Variants in SCRT2 observed in about 807,000 individuals in gnomAD.
SCRT2 encodes scratch family transcriptional repressor 2.
In SCRT2, 2 loss-of-function variants were observed where a neutral mutation model predicts 3.7. That is an observed-to-expected ratio of 0.54 (90% confidence interval 0.22 to 1.70). The LOEUF is 1.70. Ranked by LOEUF, SCRT2 falls within the 40% of genes most tolerant of loss-of-function variation. The probability of loss-of-function intolerance (pLI) is 0.19; values close to 1 mark genes in which losing one functional copy is unlikely to be tolerated. For missense variants in SCRT2, 456 were observed against 468.5 expected, an observed-to-expected ratio of 0.97 and a Z score of 0.25; for synonymous variants, 256 against 220.6, an observed-to-expected ratio of 1.16 and a Z score of -1.42.
rs1200323725 is a variant in SCRT2 at position 667,632 on chromosome 20, C to G, written c.134-3171G>C. On this transcript the variant is annotated intron_variant, in intron 1 of 1. Transcript: ENST00000246104. This position sits in a 1 kb window ranked among gnomAD's most constrained non-coding sequence, Gnocchi z 4.4. ...GGTGGCCCTCAGCGCTGTTGACTTT[C>G]CTCCTGTTGCAAGGGGCTCTTTATG... Among the ~76,000 whole-genome samples, 5 of 152,178 alleles carry G rather than the reference C, an allele frequency of 3.3e-5. No individual in the cohort carries two copies. The highest frequency in any genetic ancestry group is 4.8e-5 in the African/African-American group (2 of 41,448).
chr20:675,296 C>G lies in SCRT2; in HGVS notation c.133+173G>C, dbSNP rs1984491766. Among the ~76,000 whole-genome samples, 2 of 152,146 alleles carry G rather than the reference C, an allele frequency of 1.3e-5. No homozygotes were observed. The highest frequency in any genetic ancestry group is 2.9e-5 in the Non-Finnish European group (2 of 68,004). ...GCGACTTTCCCTTTGTACGACCTAGCCCCTGCCCCGCCCGCACGGCCCTTG... is the reference window on the plus strand; with the variant it reads ...GCGACTTTCCCTTTGTACGACCTAGGCCCTGCCCCGCCCGCACGGCCCTTG... On this transcript the variant is annotated intron_variant, in intron 1 of 1. Transcript: ENST00000246104. This position sits in a 1 kb window ranked among gnomAD's most constrained non-coding sequence, Gnocchi z 6.9.
In SCRT2 at chr20:663,301, G is replaced by A; in HGVS notation, c.*370C>T. On this transcript the variant is annotated 3_prime_UTR_variant, in exon 2 of 2. Transcript: ENST00000246104. This position sits in a 1 kb window ranked among gnomAD's most constrained non-coding sequence, Gnocchi z 6.9. ...GGTCAGAGAGATTCAGCTGAGAAGC[G>A]AGAGAAAAGATCTAGAAGTTAGAAG... 4.3e-6 allele frequency: 1 copy of A among 233,206 alleles called. No individual in the cohort carries two copies. The allele number at this position is 233,206 out of a possible 1,614,324, so 14.4% of individuals were successfully genotyped here.
At chr20:674,386 C>G (rs1056567815) in intron 1 of SCRT2, among the ~76,000 whole-genome samples, 5 of 93,504 alleles carry the variant, frequency 5.3e-5, no homozygotes, top group Admixed American at 1.3e-4. Flanking sequence ...CCATCTCTCT[C>G]TCTCTCTCTC....
rs1341803432 is a variant in SCRT2 at position 666,159 on chromosome 20, G to A, written c.134-1698C>T. Among the ~76,000 whole-genome samples the A allele has an allele frequency of 6.6e-6, 1 of 152,180 alleles. No individual in the cohort carries two copies. Among genetic ancestry groups the A allele is most frequent in the African/African-American group, 2.4e-5 (1 of 41,432 alleles). ...TGGAAGTGGATGACTCGGAAGCGGG[G>A]GGCTCTGTGGTTGGATGTAAAGGGG... On this transcript the variant is annotated intron_variant, in intron 1 of 1. Coordinates refer to ENST00000246104, the MANE Select transcript of SCRT2 (RefSeq NM_033129.4). This position sits in a 1 kb window ranked among gnomAD's most constrained non-coding sequence, Gnocchi z 4.4.
Position 666,705 on chromosome 20 carries a change from C to T in SCRT2, c.134-2244G>A, listed in dbSNP as rs1467287505. Among the ~76,000 whole-genome samples, 1 of 152,200 alleles carries T rather than the reference C, an allele frequency of 6.6e-6. No individual in the cohort carries two copies. Among genetic ancestry groups the T allele is most frequent in the East Asian group, 1.9e-4 (1 of 5,188 alleles). The stretch of plus-strand genomic sequence containing the variant: ...TTCCCAGGGCCCTAGCTAGTGGGCA[C>T]TTAATAAGTATTTGTGGAATGAGTG... On this transcript the variant is annotated intron_variant, in intron 1 of 1. Transcript: ENST00000246104. The surrounding 1 kb of genome is among the most constrained non-coding windows in gnomAD (Gnocchi z 4.4).
In SCRT2 at chr20:664,228, C is replaced by A; in HGVS notation, c.367G>T (p.Gly123Cys). ...CCCCCCGCGTCCCCGCCGCCCCCGC[C>A]CCGCCGCCGCCGCGAGCGCCCGTCC... is the stretch of plus-strand genomic sequence containing the variant. ...ISDGRSRRRR[G>C]GGGGDAGGSG... Residue 123 changes from glycine (G) to cysteine (C), a missense_variant, in exon 2 of 2, where the codon GGC (glycine) becomes TGC (cysteine). Gly to Cys is a radical substitution (Grantham distance 159). Transcript: ENST00000246104. The surrounding 1 kb of genome is among the most constrained non-coding windows in gnomAD (Gnocchi z 7.9). 1 of 1,299,554 alleles carries A rather than the reference C, an allele frequency of 7.7e-7. No individual in the cohort carries two copies. Among genetic ancestry groups the A allele is most frequent in the Non-Finnish European group, 9.8e-7 (1 of 1,016,160 alleles). The allele number at this position is 1,299,554 out of a possible 1,614,324, so 80.5% of individuals were successfully genotyped here. A position where few individuals can be genotyped will look rare whatever the true frequency, so the allele number is the denominator to read the frequency against.
chr20:663,600 G>A lies in SCRT2; in HGVS notation c.*71C>T. On this transcript the variant is annotated 3_prime_UTR_variant, in exon 2 of 2. Transcript: ENST00000246104. This position sits in a 1 kb window ranked among gnomAD's most constrained non-coding sequence, Gnocchi z 6.9. ...AACGCAGCCGGGGCTGGGCGAGGGC[G>A]CTGCGGGCGCAGGTAGGGGGCCCGG... 2 of 1,268,610 alleles carry A rather than the reference G, an allele frequency of 1.6e-6. No individual in the cohort carries two copies. The allele number at this position is 1,268,610 out of a possible 1,614,324, so 78.6% of individuals were successfully genotyped here.
chr20:674,029 A>T (rs1158571045), intron 1 of SCRT2, among the ~76,000 whole-genome samples: 2 of 152,172 alleles, frequency 1.3e-5, no homozygotes, highest in Non-Finnish European at 2.9e-5. Context: ...AGGCCCTGTG[A>T]TCAAGAAAAG....
intron 1 of SCRT2, among the ~76,000 whole-genome samples, chr20:672,764 C>T (rs1157326527): frequency 3.0e-5 from 4 of 132,016 alleles, no homozygotes; most frequent in African/African-American, 1.1e-4. Flanking sequence ...CCTTGCTTCT[C>T]CTCCCTCCCT....
At chr20:669,827 G>A (rs573985073) in intron 1 of SCRT2, among the ~76,000 whole-genome samples, 3 of 152,176 alleles carry the variant, frequency 2.0e-5, no homozygotes, top group Admixed American at 1.3e-4. Context: ...CTTTGTTAGC[G>A]GTTCCCTGGG....
chr20:663,740 C>G lies in SCRT2; in HGVS notation c.855G>C (p.Lys285Asn). The G allele has an allele frequency of 6.4e-7, 1 of 1,565,096 alleles. No individual in the cohort carries two copies. The highest frequency in any genetic ancestry group is 1.2e-5 in the South Asian group (1 of 85,758). ...CCTTGGCGCAGGCCGCCTCGCAGTG[C>G]TTGTGGAGGTAGGACTTGAGCGCGA... is the stretch of plus-strand genomic sequence containing the variant. ...KSFALKSYLHKHCEAACAKAA... is the reference protein window; with the variant it reads ...KSFALKSYLHNHCEAACAKAA... Residue 285 changes from lysine (K) to asparagine (N), a missense_variant, in exon 2 of 2, where the codon AAG becomes AAC. By Grantham distance (94) the Lys-to-Asn change is moderately conservative. Coordinates refer to ENST00000246104, the MANE Select transcript of SCRT2 (RefSeq NM_033129.4). The surrounding 1 kb of genome is among the most constrained non-coding windows in gnomAD (Gnocchi z 6.9).
At chr20:668,795 G>T (rs1449213983) in intron 1 of SCRT2, among the ~76,000 whole-genome samples, 1 of 152,348 alleles carries the variant, frequency 6.6e-6, no homozygotes, top group East Asian at 1.9e-4. Flanking sequence ...GAACTAAGGT[G>T]CTGGGCCCTC....
Position 663,716 on chromosome 20 carries a change from CT to C in SCRT2, c.878del (p.Lys293ArgfsTer52). ...LHKHCEAACA[K>X]AAEPPPPTPA... ...GGGTCGGCGGGGGTGGCTCGGCCGC[CT>C]TGGCGCAGGCCGCCTCGCAGTGCTT... On this transcript the variant is annotated frameshift_variant, in exon 2 of 2. Transcript: ENST00000246104. LOFTEE classifies it low-confidence loss of function (END_TRUNC). The surrounding 1 kb of genome is among the most constrained non-coding windows in gnomAD (Gnocchi z 6.9). 8.5e-6 allele frequency: 13 copies of C among 1,532,570 alleles called. No homozygotes were observed. Among genetic ancestry groups the C allele is most frequent in the Non-Finnish European group, 1.1e-5 (13 of 1,142,482 alleles). The allele number at this position is 1,532,570 out of a possible 1,614,324, so 94.9% of individuals were successfully genotyped here. A position where few individuals can be genotyped will look rare whatever the true frequency, so the allele number is the denominator to read the frequency against.
At chr20:672,420 T>C (rs151107942) in intron 1 of SCRT2, among the ~76,000 whole-genome samples, 12,914 of 125,848 alleles carry the variant, frequency 0.1, 979 homozygotes, top group East Asian at 0.29. Flanking sequence ...TGTGTGTGTG[T>C]GTGCGCGCGT....
chr20:675,437 C>T lies in SCRT2; in HGVS notation c.133+32G>A. The T allele has an allele frequency of 7.7e-7, 1 of 1,297,712 alleles. No individual in the cohort carries two copies. Among genetic ancestry groups the T allele is most frequent in the Non-Finnish European group, 9.9e-7 (1 of 1,013,792 alleles). 80.4% of individuals were successfully genotyped at this position (1,297,712 alleles called of 1,614,324 possible). ...GCCCCAGCTCCCCTCGCCTCTTCTC[C>T]CAACCCCCCGCCCCCGCCGGGTCCC... On this transcript the variant is annotated intron_variant, in intron 1 of 1. Coordinates refer to ENST00000246104, the MANE Select transcript of SCRT2 (RefSeq NM_033129.4). The surrounding 1 kb of genome is among the most constrained non-coding windows in gnomAD (Gnocchi z 6.9).
Position 675,758 on chromosome 20 carries a change from G to C in SCRT2, c.-157C>G. 6.4e-6 allele frequency: 2 copies of C among 311,964 alleles called. No homozygotes were observed. The highest frequency in any genetic ancestry group is 5.1e-6 in the Non-Finnish European group (1 of 195,036). 19.3% of individuals were successfully genotyped at this position (311,964 alleles called of 1,614,324 possible). A position where few individuals can be genotyped will look rare whatever the true frequency, so the allele number is the denominator to read the frequency against. ...GTGGCGGCGGCCCCGGCTCGGGCTC[G>C]GGCTTGGCGGCGGCGGCGCGCAGAC... On this transcript the variant is annotated 5_prime_UTR_variant, in exon 1 of 2. Coordinates refer to ENST00000246104, the MANE Select transcript of SCRT2 (RefSeq NM_033129.4). The surrounding 1 kb of genome is among the most constrained non-coding windows in gnomAD (Gnocchi z 6.9).
rs942920276 is a variant in SCRT2, at chr20:664,577, G to A, written c.134-116C>T. ...TGGCGCCCCTGTGGCAGCTCCGACA[G>A]TGGTGGTCTCCGACCTGCACCTCAG... On this transcript the variant is annotated intron_variant, in intron 1 of 1. Transcript: ENST00000246104. This position sits in a 1 kb window ranked among gnomAD's most constrained non-coding sequence, Gnocchi z 7.9. 22 of 695,992 alleles carry A rather than the reference G, an allele frequency of 3.2e-5. No individual in the cohort carries two copies. The African/African-American group carries it at 3.9e-4, about 12-fold the overall frequency. 43.1% of individuals were successfully genotyped at this position (695,992 alleles called of 1,614,324 possible).
At chr20:671,674 G>A (rs1984337102) in intron 1 of SCRT2, among the ~76,000 whole-genome samples, 2 of 152,222 alleles carry the variant, frequency 1.3e-5, no homozygotes, top group South Asian at 4.1e-4. Context: ...GTTTAATGTG[G>A]TCAGCTAGAT....
Position 663,268 on chromosome 20 carries a change from A to T in SCRT2, c.*403T>A. On this transcript the variant is annotated 3_prime_UTR_variant, in exon 2 of 2. Coordinates refer to ENST00000246104, the MANE Select transcript of SCRT2 (RefSeq NM_033129.4). The surrounding 1 kb of genome is among the most constrained non-coding windows in gnomAD (Gnocchi z 6.9). ...TGCGGCTTTCATTGGGGGCTCCAGT[A>T]GAGGAATGGTCAGAGAGATTCAGCT... 1 of 184,850 alleles carries T rather than the reference A, an allele frequency of 5.4e-6. No individual in the cohort carries two copies. The allele number at this position is 184,850 out of a possible 1,614,324, so 11.5% of individuals were successfully genotyped here.
Sources: gnomAD v4.1 joint callset for allele counts (sites outside exome capture counted in the v4.1 genomes callset) on GRCh38, gnomAD v4.1.1 for gene constraint, Gnocchi (gnomAD v3.1) non-coding constraint, MANE v1.5 for transcripts, NCBI Gene and HGNC (gene_info 2026-07-23, HGNC 2026-07-21) for gene names.